Variants in ADGRV1 observed in about 807,000 individuals in gnomAD.
The protein encoded by ADGRV1 is adhesion G protein-coupled receptor V1.
Under a neutral mutation model 596.2 loss-of-function variants are expected in ADGRV1, and 359 were observed. That is an observed-to-expected ratio of 0.60 (90% CI 0.55 to 0.66). The LOEUF (loss-of-function observed/expected upper bound fraction) is 0.66. Among genes scored for constraint, ADGRV1 ranks in the 30% least tolerant of loss-of-function variants. The pLI is 0.00. For missense variants in ADGRV1, 7,274 were observed against 7,575.6 expected, an observed-to-expected ratio of 0.96 and a Z score of 1.48; for synonymous variants, 2,681 against 2,679.2, an observed-to-expected ratio of 1.00 and a Z score of -0.02.
At chr5:90,660,806 T>G (rs1372227068) in intron 21 of ADGRV1, among the ~76,000 whole-genome samples, 1 of 152,194 alleles carries the variant, frequency 6.6e-6, no homozygotes, top group Non-Finnish European at 1.5e-5. Context: ...AAAGTAATAT[T>G]AAGGTTAAAA....
chr5:90,860,504 T>A (rs1220281130), intron 82 of ADGRV1, among the ~76,000 whole-genome samples: 1 of 152,116 alleles, frequency 6.6e-6, no homozygotes, highest in Non-Finnish European at 1.5e-5. Context: ...TTTGTGCCTT[T>A]AGCTTATTAG....
intron 85 of ADGRV1, among the ~76,000 whole-genome samples, chr5:91,045,636 C>G (rs982809200): frequency 1.3e-5 from 2 of 152,114 alleles, no homozygotes; most frequent in Non-Finnish European, 2.9e-5. Context: ...CCCACTCTCA[C>G]TACTTTTCTT....
At chr5:91,044,182 T>G (rs558944685) in intron 85 of ADGRV1, among the ~76,000 whole-genome samples, 2 of 152,256 alleles carry the variant, frequency 1.3e-5, no homozygotes, top group African/African-American at 4.8e-5. Context: ...ATAAATTAGA[T>G]CTTGGTTTAG....
chr5:90,583,880 G>A (rs1758396165), intron 1 of ADGRV1, among the ~76,000 whole-genome samples: 1 of 152,060 alleles, frequency 6.6e-6, no homozygotes, highest in African/African-American at 2.4e-5. Context: ...TTTTTAATAC[G>A]ATAGGTGCTA....
At chr5:90,953,676 T>C (rs1051929228) in intron 83 of ADGRV1, among the ~76,000 whole-genome samples, 1 of 152,064 alleles carries the variant, frequency 6.6e-6, no homozygotes, top group Admixed American at 6.6e-5. Flanking sequence ...CAATTCAAAG[T>C]TTAAAACATA....
At chr5:90,962,633 G>A (rs991076288) in intron 83 of ADGRV1, among the ~76,000 whole-genome samples, 4 of 152,262 alleles carry the variant, frequency 2.6e-5, no homozygotes, top group South Asian at 2.1e-4. Flanking sequence ...TTAATACCTA[G>A]TTCTCCAAGT....
rs199848640 is a variant in ADGRV1 at position 90,686,218 on chromosome 5, TTTA to T, written c.6490+234_6490+236del. ...ACAATTTTTTTATTTTTATTTTTAT[TTTA>T]TTATTATTATACTTTAAGTTTTAGG... On this transcript the variant is annotated intron_variant, in intron 29 of 89. Coordinates refer to ENST00000405460, the MANE Select transcript of ADGRV1 (RefSeq NM_032119.4). 7.2e-3 allele frequency among the ~76,000 whole-genome samples: 1,094 copies of T among 151,948 alleles called. 18 individuals carry two copies. The highest frequency in any genetic ancestry group is 0.025 in the African/African-American group (1,051 of 41,432).
At chr5:91,052,166 A>G (rs186634171) in intron 85 of ADGRV1, among the ~76,000 whole-genome samples, 51 of 152,262 alleles carry the variant, frequency 3.3e-4, no homozygotes, top group Non-Finnish European at 6.2e-4. Context: ...AGCAAATATA[A>G]GCCTTAACAT....
chr5:90,957,054 A>G (rs1438172399), intron 83 of ADGRV1, among the ~76,000 whole-genome samples: 1 of 152,194 alleles, frequency 6.6e-6, no homozygotes, highest in Non-Finnish European at 1.5e-5. Context: ...AAGGTAATGA[A>G]GAAAAGATAC....
intron 42 of ADGRV1, 111 bp downstream of exon 42, chr5:90,712,539 G>C: frequency 2.5e-6 from 2 of 815,480 alleles, no homozygotes; most frequent in Non-Finnish European, 3.8e-6. Context: ...TGCTTAAAAT[G>C]AGAATGATTT....
chr5:90,689,473 A>C (rs375917942), intron 29 of ADGRV1, among the ~76,000 whole-genome samples: 1 of 151,442 alleles, frequency 6.6e-6, no homozygotes, highest in Non-Finnish European at 1.5e-5. Flanking sequence ...CAGTGGTATA[A>C]TTTATCTTTC....
At chr5:90,928,961 G>T (rs879740303) in intron 83 of ADGRV1, among the ~76,000 whole-genome samples, 1 of 141,578 alleles carries the variant, frequency 7.1e-6, no homozygotes, top group Non-Finnish European at 1.5e-5. Flanking sequence ...AGGGGTCAGG[G>T]ACCCACTTGA....
intron 89 of ADGRV1, among the ~76,000 whole-genome samples, chr5:91,162,626 G>T (rs1797050996): frequency 6.6e-6 from 1 of 152,146 alleles, no homozygotes; most frequent in Non-Finnish European, 1.5e-5. Context: ...GGATAAGATG[G>T]GCAAGTACCA....
intron 42 of ADGRV1, among the ~76,000 whole-genome samples, chr5:90,716,004 C>G (rs1750059905): frequency 6.6e-6 from 1 of 152,086 alleles, no homozygotes; most frequent in South Asian, 2.1e-4. Flanking sequence ...TACTGTAGTT[C>G]TAATATTTTC....
At chr5:90,772,572 T>C (rs1742519181) in intron 59 of ADGRV1, among the ~76,000 whole-genome samples, 1 of 152,102 alleles carries the variant, frequency 6.6e-6, no homozygotes, top group African/African-American at 2.4e-5. Context: ...ACATGAGAAA[T>C]GTATTTGAAT....
chr5:90,580,946 C>T (rs10061972), intron 1 of ADGRV1, among the ~76,000 whole-genome samples: 20 of 151,818 alleles, frequency 1.3e-4, no homozygotes, highest in Non-Finnish European at 2.5e-4. Context: ...AGGCTTTGTT[C>T]GTTTTATTTT....
At chr5:90,992,146 T>A (rs903534319) in intron 85 of ADGRV1, among the ~76,000 whole-genome samples, 65 of 152,244 alleles carry the variant, frequency 4.3e-4, no homozygotes, top group African/African-American at 1.5e-3. Flanking sequence ...TCTTCTTAGG[T>A]TAATGGAATC....
rs115524424 is a variant in ADGRV1, at chr5:91,045,598, A to C, written c.18153-26849A>C. ...GCCAACATAACACTGAATGGGGAAA[A>C]GTTGAGAACTGCAATAAGACAAGGA... On this transcript the variant is annotated intron_variant, in intron 85 of 89. Coordinates refer to ENST00000405460, the MANE Select transcript of ADGRV1 (RefSeq NM_032119.4). Among the ~76,000 whole-genome samples the C allele has an allele frequency of 1.7e-3, 260 of 151,890 alleles. 1 individual carries two copies. Among genetic ancestry groups the C allele is most frequent in the African/African-American group, 5.9e-3 (244 of 41,522 alleles).
chr5:90,786,960 C>A (rs2150118083), intron 67 of ADGRV1, among the ~76,000 whole-genome samples: 1 of 152,110 alleles, frequency 6.6e-6, no homozygotes, highest in Non-Finnish European at 1.5e-5. Context: ...GGTGTTTGAA[C>A]ACGTGGGGCC....
Sources: gnomAD v4.1 joint callset for allele counts (sites outside exome capture counted in the v4.1 genomes callset) on GRCh38, gnomAD v4.1.1 for gene constraint, MANE v1.5 for transcripts, NCBI Gene and HGNC (gene_info 2026-07-23, HGNC 2026-07-21) for gene names.